Variants in HSD3B2 observed in about 807,000 individuals in gnomAD.
The protein encoded by HSD3B2 is hydroxy-delta-5-steroid dehydrogenase, 3 beta- and steroid delta-isomerase 2, also known as 3 beta-hydroxysteroid dehydrogenase/Delta 5-->4-isomerase type 2.
HSD3B2 carries 8 observed loss-of-function variants against 9.9 expected under a neutral mutation model. The ratio of observed to expected loss-of-function variants is 0.81; its 90% CI spans 0.47 to 1.46. The LOEUF (loss-of-function observed/expected upper bound fraction) is 1.46. Among genes scored for constraint, HSD3B2 ranks in the 40% most tolerant of loss-of-function variants. The pLI, the probability that HSD3B2 is intolerant of heterozygous loss-of-function variation, is 0.00. For synonymous variants in HSD3B2, 221 were observed against 184.5 expected (o/e 1.20, Z -1.60); for missense variants, 410 against 448.3 (o/e 0.91, Z 0.77).
intron 2 of HSD3B2, among the ~76,000 whole-genome samples, chr1:119,418,533 T>C (rs1370986880): frequency 6.6e-6 from 1 of 152,100 alleles, no homozygotes; most frequent in Non-Finnish European, 1.5e-5. Flanking sequence ...ATCACCTGGC[T>C]TTCTCATTTC....
At chr1:119,419,173 C>G (rs1221516131) in intron 2 of HSD3B2, among the ~76,000 whole-genome samples, 1 of 152,188 alleles carries the variant, frequency 6.6e-6, no homozygotes, top group East Asian at 1.9e-4. Context: ...TGACAATTCA[C>G]TGCTCACATT....
At chr1:119,421,710 T>C (rs1036073566) in intron 3 of HSD3B2, 99 bp from the exon 4 acceptor site, 2 of 1,325,976 alleles carry the variant, frequency 1.5e-6, no homozygotes, top group African/African-American at 1.4e-5. Context: ...TTATAACCAC[T>C]GCACTTGGGA....
chr1:119,419,426 A>G lies in HSD3B2; in HGVS notation c.151A>G (p.Asn51Asp), dbSNP rs1237083842. Residue 51 changes from asparagine (N) to aspartate (D), a missense_variant, in exon 3 of 4, where the codon AAC becomes GAC. By Grantham distance (23) the Asn-to-Asp change is conservative. Coordinates refer to ENST00000369416, the MANE Select transcript of HSD3B2 (RefSeq NM_000198.4). ...ELREEFSKLQ[N>D]RTKLTVLEGD... ...GACCTGTGTTCACACAGAGCTCCAGAACAGGACCAAGCTGACTGTACTTGA... is the reference window on the plus strand; with the variant it reads ...GACCTGTGTTCACACAGAGCTCCAGGACAGGACCAAGCTGACTGTACTTGA... 1 of 1,613,734 alleles carries G rather than the reference A, an allele frequency of 6.2e-7. No homozygotes were observed. Among genetic ancestry groups the G allele is most frequent in the East Asian group, 2.2e-5 (1 of 44,842 alleles).
chr1:119,415,429 A>G lies in HSD3B2; in HGVS notation c.10A>G (p.Ser4Gly), dbSNP rs1271030484. 1.2e-6 allele frequency: 2 copies of G among 1,613,896 alleles called. No homozygotes were observed. Among genetic ancestry groups the G allele is most frequent in the African/African-American group, 1.3e-5 (1 of 75,020 alleles). The change falls in exon 2 of 4, where the codon AGC becomes GGC. Residue 4 changes from serine to glycine, a missense_variant. Transcript: ENST00000369416. Reference sequence around the variant, plus strand: ...CTTTGGATTGGCCACGATGGGCTGGAGCTGCCTTGTGACAGGAGCAGGAGG... The same window carrying G: ...CTTTGGATTGGCCACGATGGGCTGGGGCTGCCTTGTGACAGGAGCAGGAGG... MGW[S>G]CLVTGAGGLL...
rs714748 is a variant in HSD3B2, at chr1:119,415,260, T to G, written c.-90+58T>G. The G allele has an allele frequency of 6.3e-3, 4,510 of 717,546 alleles. 140 individuals are homozygous for G. In the East Asian group the frequency reaches 0.085, roughly 13 times the overall value. 44.4% of individuals were successfully genotyped at this position (717,546 alleles called of 1,614,324 possible). A position where few individuals can be genotyped will look rare whatever the true frequency, so the allele number is the denominator to read the frequency against. ...CTGGCAGTTGTGGGGTCATGGAATT[T>G]TTGTAAAAAATGGGGTGGAGGAAAA... On this transcript the variant is annotated intron_variant, in intron 1 of 3. Coordinates refer to ENST00000369416, the MANE Select transcript of HSD3B2 (RefSeq NM_000198.4).
chr1:119,419,891 A>C (rs983635809), intron 3 of HSD3B2: 2 of 373,302 alleles, frequency 5.4e-6, no homozygotes, highest in African/African-American at 4.1e-5. Context: ...CTGTGGCCCC[A>C]ATCAAAAGTC....
intron 1 of HSD3B2, 59 bp from the exon 2 acceptor site, chr1:119,415,272 G>A (rs1206583129): frequency 1.3e-6 from 1 of 775,074 alleles, no homozygotes; most frequent in Non-Finnish European, 2.2e-6. Flanking sequence ...TGTAAAAAAT[G>A]GGGTGGAGGA....
intron 2 of HSD3B2, among the ~76,000 whole-genome samples, chr1:119,415,941 G>A (rs1651695705): frequency 1.3e-5 from 2 of 152,176 alleles, no homozygotes; most frequent in South Asian, 4.1e-4. Flanking sequence ...CCTCACCAGT[G>A]GGTCCTGCCT....
chr1:119,416,199 G>T (rs752878713), intron 2 of HSD3B2, among the ~76,000 whole-genome samples: 1 of 152,068 alleles, frequency 6.6e-6, no homozygotes, highest in African/African-American at 2.4e-5. Context: ...TCATCAGTGA[G>T]AGAGAGAGAA....
At chr1:119,421,390 T>C (rs980753789) in intron 3 of HSD3B2, among the ~76,000 whole-genome samples, 1 of 128,038 alleles carries the variant, frequency 7.8e-6, no homozygotes, top group Non-Finnish European at 1.6e-5. Context: ...TATATATATA[T>C]GTATATATAT....
rs587741317 is a variant in HSD3B2 at position 119,422,129 on chromosome 1, A to G, written c.628A>G (p.Ile210Val). 2.8e-5 allele frequency: 45 copies of G among 1,614,098 alleles called. 2 individuals are homozygous for G. The South Asian group carries it at 4.9e-4, about 18-fold the overall frequency. ...SINEALNNNG[I>V]LSSVGKFSTV... ...AAATGAGGCCCTGAACAACAATGGGATCCTGTCAAGTGTTGGAAAGTTCTC... is the reference window on the plus strand; with the variant it reads ...AAATGAGGCCCTGAACAACAATGGGGTCCTGTCAAGTGTTGGAAAGTTCTC... Residue 210 changes from isoleucine to valine, a missense_variant, in exon 4 of 4, where the codon ATC (isoleucine) becomes GTC (valine). Coordinates refer to ENST00000369416, the MANE Select transcript of HSD3B2 (RefSeq NM_000198.4).
chr1:119,421,992 C>A lies in HSD3B2; in HGVS notation c.491C>A (p.Ala164Asp). The part of the protein sequence containing the change: ...YPYSKKLAEK[A>D]VLAANGWNLK... ...TACAGCAAAAAGCTTGCTGAGAAGG[C>A]TGTGCTGGCGGCTAATGGGTGGAAT... The change falls in exon 4 of 4, where the codon GCT becomes GAT. Residue 164 changes from alanine to aspartate, a missense_variant. Physicochemically the swap from Ala to Asp is moderately radical, Grantham distance 126. Transcript: ENST00000369416. 6.2e-7 allele frequency: 1 copy of A among 1,614,104 alleles called. No individual in the cohort carries two copies. The highest frequency in any genetic ancestry group is 1.7e-5 in the Admixed American group (1 of 60,016).
In HSD3B2 at chr1:119,422,410, A is replaced by G. The variant is rs757801056; in HGVS notation, c.909A>G (p.Leu303=). The G allele has an allele frequency of 6.2e-7, 1 of 1,613,924 alleles. No homozygotes were observed. The highest frequency in any genetic ancestry group is 1.3e-5 in the African/African-American group (1 of 74,982). The part of the protein sequence containing the change: ...IGFLLEVVSF[L]LSPIYSYQPP... ...TCCTGCTGGAAGTAGTGAGCTTCCT[A>G]CTCAGCCCAATTTACTCCTATCAAC... is the stretch of plus-strand genomic sequence containing the variant. Residue 303 remains leucine, a synonymous_variant, in exon 4 of 4, where the codon CTA becomes CTG. Transcript: ENST00000369416.
intron 3 of HSD3B2, among the ~76,000 whole-genome samples, chr1:119,420,951 G>T (rs1191646340): frequency 6.6e-6 from 1 of 152,172 alleles, no homozygotes; most frequent in African/African-American, 2.4e-5. Flanking sequence ...CTGGGTAACA[G>T]AGTCATAGCC....
intron 2 of HSD3B2, among the ~76,000 whole-genome samples, chr1:119,418,773 T>G (rs1238750265): frequency 1.4e-4 from 21 of 151,770 alleles, no homozygotes; most frequent in Admixed American, 1.4e-3. Context: ...TGCTTCAGGT[T>G]TGTGATTAGC....
chr1:119,419,017 A>T (rs191167323), intron 2 of HSD3B2, among the ~76,000 whole-genome samples: 113 of 152,292 alleles, frequency 7.4e-4, no homozygotes, highest in Admixed American at 1.6e-3. Context: ...ACCCAAAATC[A>T]TAATTCTATA....
In HSD3B2 at chr1:119,422,711, A is replaced by G; in HGVS notation, c.*91A>G. 6.8e-7 allele frequency: 1 copy of G among 1,472,230 alleles called. No homozygotes were observed. The highest frequency in any genetic ancestry group is 9.4e-7 in the Non-Finnish European group (1 of 1,068,206). The allele number at this position is 1,472,230 out of a possible 1,614,324, so 91.2% of individuals were successfully genotyped here. The stretch of plus-strand genomic sequence containing the variant: ...GCTTCATACAGAAGGCAACAGGGGC[A>G]CAAGCCCAGGTCCTGCTGCCTCTCT... On this transcript the variant is annotated 3_prime_UTR_variant, in exon 4 of 4. Transcript: ENST00000369416.
chr1:119,422,170 C>G lies in HSD3B2; in HGVS notation c.669C>G (p.Val223=). 1 of 1,614,098 alleles carries G rather than the reference C, an allele frequency of 6.2e-7. No homozygotes were observed. Among genetic ancestry groups the G allele is most frequent in the Non-Finnish European group, 8.5e-7 (1 of 1,180,014 alleles). Residue 223 remains valine, a synonymous_variant, in exon 4 of 4, where the codon GTC becomes GTG. Coordinates refer to ENST00000369416, the MANE Select transcript of HSD3B2 (RefSeq NM_000198.4). ...GAAAGTTCTCTACAGTCAACCCAGT[C>G]TATGTTGGCAACGTGGCCTGGGCCC... ...SVGKFSTVNP[V]YVGNVAWAHI...
chr1:119,415,482 G>T lies in HSD3B2; in HGVS notation c.63G>T (p.Leu21=). The T allele has an allele frequency of 6.2e-7, 1 of 1,613,890 alleles. No individual in the cohort carries two copies. The highest frequency in any genetic ancestry group is 8.5e-7 in the Non-Finnish European group (1 of 1,179,834). The change falls in exon 2 of 4, where the codon CTG becomes CTT. Residue 21 remains leucine, a synonymous_variant. Transcript: ENST00000369416. The stretch of plus-strand genomic sequence containing the variant: ...TTCTGGGTCAGAGGATCGTCCGCCT[G>T]TTGGTGGAAGAGAAGGAACTGAAGG... ...GGLLGQRIVR[L]LVEEKELKEI...
Sources: allele counts gnomAD v4.1 joint callset (sites outside exome capture counted in the v4.1 genomes callset), GRCh38; gene constraint gnomAD v4.1.1; transcripts MANE v1.5; gene names NCBI Gene and HGNC (gene_info 2026-07-23, HGNC 2026-07-21).